The following LOXHD1 variants were observed in gnomAD, a reference collection of about 807,000 sequenced individuals.
The protein encoded by LOXHD1 is lipoxygenase homology PLAT domains 1.
Under a neutral mutation model 248.2 loss-of-function variants are expected in LOXHD1, and 205 were observed. The observed-to-expected ratio is 0.83, with a 90% CI of 0.74 to 0.93. The LOEUF is 0.93. Ranked by LOEUF, LOXHD1 falls within the 40% of genes least tolerant of loss-of-function variation. LOXHD1 has a pLI of 0.00. For missense variants in LOXHD1, 2,930 were observed against 2,971.6 expected, an observed-to-expected ratio of 0.99 and a Z score of 0.33; for synonymous variants, 1,113 against 1,162.8, an observed-to-expected ratio of 0.96 and a Z score of 0.87.
At chr18:46,562,931 G>T in intron 18 of LOXHD1, 134 bp downstream of exon 18, 1 of 1,053,652 alleles carries the variant, frequency 9.5e-7, no homozygotes, top group Non-Finnish European at 1.3e-6. Flanking sequence ...GAGAGAGGAA[G>T]CATTTTCCAC....
chr18:46,569,019 G>A (rs1307500524), intron 16 of LOXHD1, among the ~76,000 whole-genome samples: 2 of 152,138 alleles, frequency 1.3e-5, no homozygotes, highest in Non-Finnish European at 2.9e-5. Context: ...CAATTCTGAT[G>A]CACACTCAAG....
At chr18:46,618,448 T>C (rs1483908749) in intron 4 of LOXHD1, among the ~76,000 whole-genome samples, 158 bp from the exon 5 acceptor site, 1 of 152,216 alleles carries the variant, frequency 6.6e-6, no homozygotes, top group Non-Finnish European at 1.5e-5. Context: ...TCAGTCCACA[T>C]TGGTTCCAAA....
At chr18:46,617,342 TCA>T (rs1345992174) in intron 5 of LOXHD1, among the ~76,000 whole-genome samples, 2 of 152,190 alleles carry the variant, frequency 1.3e-5, no homozygotes, top group Non-Finnish European at 2.9e-5. Context: ...GGCTTTATAT[TCA>T]GTTTTAATTT....
At position 46,545,210 on chromosome 18, in the gene LOXHD1, TGA is replaced by T. The variant is rs1455552560; in HGVS notation, c.3619+105_3619+106del. On this transcript the variant is annotated intron_variant, in intron 23 of 40. Coordinates refer to ENST00000642948, the MANE Select transcript of LOXHD1 (RefSeq NM_001384474.1). ...ATGGGGCTAATTGCTTGCATCCTATTGAGAGACAAAAGCATAATTAGGATTCC... is the reference window on the plus strand; with the variant it reads ...ATGGGGCTAATTGCTTGCATCCTATTGAGACAAAAGCATAATTAGGATTCC... 9.9e-6 allele frequency: 8 copies of T among 811,534 alleles called. No individual in the cohort carries two copies. The African/African-American group carries it at 1.0e-4, about 10-fold the overall frequency. The allele number at this position is 811,534 out of a possible 1,614,324, so 50.3% of individuals were successfully genotyped here.
rs200242497 is a variant in LOXHD1 at position 46,509,805 on chromosome 18, C to T, written c.5410G>A (p.Glu1804Lys). 1,300 of 1,550,274 alleles carry T rather than the reference C, an allele frequency of 8.4e-4. 1 individual carries two copies. Among genetic ancestry groups the T allele is most frequent in the Middle Eastern group, 1.3e-3 (7 of 5,390 alleles). Residue 1804 changes from glutamate to lysine, a missense_variant, in exon 35 of 41, where the codon GAG becomes AAG. By Grantham distance (56) the Glu-to-Lys change is moderately conservative. Coordinates refer to ENST00000642948, the MANE Select transcript of LOXHD1 (RefSeq NM_001384474.1). ...TCCATGATGAAGGTGTCGTTCTGCT[C>T]CCGCTCAAACCTGGGGGTGGAGAGG... ...LDKKKARFEREQNDTFIMEIL... is the reference protein window; with the variant it reads ...LDKKKARFERKQNDTFIMEIL...
chr18:46,655,514 C>T (rs2144414189), intron 1 of LOXHD1, among the ~76,000 whole-genome samples: 1 of 152,236 alleles, frequency 6.6e-6, no homozygotes, highest in African/African-American at 2.4e-5. Context: ...GGGATGCTGC[C>T]CTGATGTCTC....
In LOXHD1 at chr18:46,551,106, C is replaced by CT. The variant is rs1239620935; in HGVS notation, c.3351-4049dup. The stretch of plus-strand genomic sequence containing the variant: ...TCCTAAATTTCTTTTCTTTTCTTTT[C>CT]TTTTTTTTTTTTTTGAGACAGAGTC... On this transcript the variant is annotated intron_variant, in intron 21 of 40. Transcript: ENST00000642948. Among the ~76,000 whole-genome samples, 1,324 of 140,920 alleles carry CT rather than the reference C, an allele frequency of 9.4e-3. 10 individuals carry two copies. The highest frequency in any genetic ancestry group is 0.021 in the African/African-American group (784 of 37,216). 92.4% of individuals were successfully genotyped at this position (140,920 alleles called of 152,430 possible).
At chr18:46,577,971 G>T in intron 13 of LOXHD1, 104 bp from the exon 14 acceptor site, 5 of 1,217,202 alleles carry the variant, frequency 4.1e-6, no homozygotes, top group South Asian at 1.3e-5. Context: ...GAGCTGATGG[G>T]TTAGGCAACT....
In LOXHD1 at chr18:46,563,238, G is replaced by A. The variant is rs578232367; in HGVS notation, c.2438-13C>T. 3.8e-5 allele frequency: 57 copies of A among 1,482,342 alleles called. No homozygotes were observed. Among genetic ancestry groups the A allele is most frequent in the Middle Eastern group, 1.8e-4 (1 of 5,662 alleles). 91.8% of individuals were successfully genotyped at this position (1,482,342 alleles called of 1,614,324 possible). ...TCATAGTGGACCACTGGGTGGGCAC[G>A]TGCAGAAGAAGTGGAACATTTAGTA... is the stretch of plus-strand genomic sequence containing the variant. On this transcript the variant is annotated splice_polypyrimidine_tract_variant and intron_variant, in intron 17 of 40. Transcript: ENST00000642948.
intron 26 of LOXHD1, among the ~76,000 whole-genome samples, chr18:46,537,690 T>C (rs960872489): frequency 6.6e-6 from 1 of 152,216 alleles, no homozygotes; most frequent in African/African-American, 2.4e-5. Flanking sequence ...CCATGGAACA[T>C]ACAGAATGCT....
At chr18:46,494,157 A>T (rs764818673) in intron 37 of LOXHD1, among the ~76,000 whole-genome samples, 1 of 152,156 alleles carries the variant, frequency 6.6e-6, no homozygotes, top group African/African-American at 2.4e-5. Context: ...AATCTCTGCT[A>T]TTCAGGTCAT....
At chr18:46,584,508 C>T (rs992534600) in intron 12 of LOXHD1, among the ~76,000 whole-genome samples, 1 of 151,826 alleles carries the variant, frequency 6.6e-6, no homozygotes, top group African/African-American at 2.4e-5. Context: ...TAAATACATA[C>T]AATTACAATA....
At chr18:46,562,917 T>C (rs1467372725) in intron 18 of LOXHD1, 148 bp downstream of exon 18, 1 of 912,946 alleles carries the variant, frequency 1.1e-6, no homozygotes, top group Non-Finnish European at 1.6e-6. Context: ...AAAGCTCAGG[T>C]CTGGAGAGAG....
chr18:46,643,352 G>A (rs1304568206), intron 2 of LOXHD1, among the ~76,000 whole-genome samples: 1 of 152,208 alleles, frequency 6.6e-6, no homozygotes, highest in African/African-American at 2.4e-5. Flanking sequence ...GCAGGGCAAA[G>A]TGCCCAGAGT....
intron 40 of LOXHD1, among the ~76,000 whole-genome samples, chr18:46,478,891 T>C (rs1187325392): frequency 6.6e-6 from 1 of 152,054 alleles, no homozygotes; most frequent in Non-Finnish European, 1.5e-5. Flanking sequence ...AGAGATAGGG[T>C]CTCACCATGC....
chr18:46,505,801 C>T (rs1000435826), intron 37 of LOXHD1, 37 bp downstream of exon 37: 2 of 1,549,014 alleles, frequency 1.3e-6, no homozygotes, highest in Non-Finnish European at 8.7e-7. Context: ...GAGCTGAGGG[C>T]TGCCCTCCCA....
chr18:46,551,921 G>T (rs752274864), intron 21 of LOXHD1, among the ~76,000 whole-genome samples: 1 of 152,314 alleles, frequency 6.6e-6, no homozygotes, highest in African/African-American at 2.4e-5. Context: ...GAAGCTTGAG[G>T]ACAACACACT....
In LOXHD1 at chr18:46,618,306, G is replaced by C. The variant is rs2038618600; in HGVS notation, c.512-16C>G. 4 of 1,523,390 alleles carry C rather than the reference G, an allele frequency of 2.6e-6. No individual in the cohort carries two copies. In the Admixed American group the frequency reaches 5.9e-5, roughly 22 times the overall value. The allele number at this position is 1,523,390 out of a possible 1,614,324, so 94.4% of individuals were successfully genotyped here. ...TACTTATTACCTAGGAACAAGGAGA[G>C]AGAAAAACCTTAGCTCATCAGGATC... is the stretch of plus-strand genomic sequence containing the variant. On this transcript the variant is annotated splice_polypyrimidine_tract_variant and intron_variant, in intron 4 of 40. Coordinates refer to ENST00000642948, the MANE Select transcript of LOXHD1 (RefSeq NM_001384474.1).
At chr18:46,501,478 G>GTA (rs2034228046) in intron 37 of LOXHD1, among the ~76,000 whole-genome samples, 1 of 152,218 alleles carries the variant, frequency 6.6e-6, no homozygotes, top group Non-Finnish European at 1.5e-5. Context: ...CAAGAAGGCT[G>GTA]TAACGTGCCT....
Sources: allele counts gnomAD v4.1 joint callset (sites outside exome capture counted in the v4.1 genomes callset), GRCh38; gene constraint gnomAD v4.1.1; transcripts MANE v1.5; gene names NCBI Gene and HGNC (gene_info 2026-07-23, HGNC 2026-07-21).